The following IL1RAPL2 variants were observed in gnomAD, a reference collection of about 807,000 sequenced individuals.
IL1RAPL2 encodes the protein interleukin 1 receptor accessory protein like 2, also known as X-linked interleukin-1 receptor accessory protein-like 2.
IL1RAPL2 carries 3 observed loss-of-function variants against 44.1 expected under a neutral mutation model. The observed-to-expected ratio is 0.07, with a 90% confidence interval of 0.03 to 0.18. IL1RAPL2 has a LOEUF of 0.18. IL1RAPL2 is among the 10% of genes least tolerant of loss of function. The pLI is 1.00. For missense variants in IL1RAPL2, 391 were observed against 496.4 expected, an observed-to-expected ratio of 0.79 and a Z score of 2.02; for synonymous variants, 181 against 178.8, an observed-to-expected ratio of 1.01 and a Z score of -0.10.
intron 5 of IL1RAPL2, among the ~76,000 whole-genome samples, chrX:105,468,417 TTCTG>T (rs2036145061): frequency 1.1e-5 from 1 of 91,212 alleles, no homozygotes; most frequent in Non-Finnish European, 2.2e-5. Context: ...AGCCAGCAGT[TTCTG>T]TATAGTAAAG....
chrX:105,667,794 C>G (rs1250686371), intron 6 of IL1RAPL2, among the ~76,000 whole-genome samples: 1 of 111,239 alleles, frequency 9.0e-6, no homozygotes, highest in Non-Finnish European at 1.9e-5. Context: ...TTCCCAAGGC[C>G]TGTGTAAGGC....
chrX:105,286,704 GA>G (rs1248596294), intron 5 of IL1RAPL2, among the ~76,000 whole-genome samples: 1 of 110,312 alleles, frequency 9.1e-6, no homozygotes, highest in African/African-American at 3.3e-5. Flanking sequence ...TCAAGTTATG[GA>G]AAATATATTT....
intron 2 of IL1RAPL2, among the ~76,000 whole-genome samples, chrX:104,843,526 C>T (rs780824504): frequency 1.4e-4 from 16 of 111,090 alleles, no homozygotes; most frequent in Admixed American, 5.8e-4. Flanking sequence ...AACCCAGGGC[C>T]CTGGTTGTAT....
At chrX:104,848,400 T>C (rs1216207811) in intron 2 of IL1RAPL2, among the ~76,000 whole-genome samples, 1 of 74,807 alleles carries the variant, frequency 1.3e-5, no homozygotes, top group African/African-American at 4.9e-5. Context: ...TTTAAAAAGA[T>C]TTTTATCTGT....
intron 4 of IL1RAPL2, among the ~76,000 whole-genome samples, chrX:105,243,210 T>C (rs1477364886): frequency 1.8e-5 from 2 of 111,426 alleles, no homozygotes; most frequent in Non-Finnish European, 3.8e-5. Context: ...GGTGATTGAA[T>C]CATGGAGATG....
At position 105,144,094 on chromosome X, in the gene IL1RAPL2, G is replaced by GGGGT. The variant is rs1395267086; in HGVS notation, c.83-51380_83-51379insGGTG. ...AGTCAGAGTCTCCTTTCAACAGATG[G>GGGGT]GTGTGTGTGTGTGTGTGTGTGTGTG... On this transcript the variant is annotated intron_variant, in intron 2 of 10. Coordinates refer to ENST00000372582, the MANE Select transcript of IL1RAPL2 (RefSeq NM_017416.2). 1.3e-4 allele frequency among the ~76,000 whole-genome samples: 10 copies of GGGGT among 79,564 alleles called. No homozygotes were observed. In the South Asian group the frequency reaches 3.2e-3, roughly 25 times the overall value. 69.1% of individuals were successfully genotyped at this position (79,564 alleles called of 115,157 possible).
intron 6 of IL1RAPL2, among the ~76,000 whole-genome samples, chrX:105,649,630 T>C (rs1221677021): frequency 1.8e-5 from 2 of 111,251 alleles, no homozygotes; most frequent in African/African-American, 6.5e-5. Context: ...GTTGAGTGCA[T>C]ATGGAAGCTA....
rs5962500 is a variant in IL1RAPL2 at position 105,272,161 on chromosome X, T to C, written c.697+4620T>C. On this transcript the variant is annotated intron_variant, in intron 5 of 10. Coordinates refer to ENST00000372582, the MANE Select transcript of IL1RAPL2 (RefSeq NM_017416.2). ...GTGGGGGGAGGGGGGACTGATAGCA[T>C]TGGGAGATATACCTAATGCTAGATG... 4.4e-3 allele frequency among the ~76,000 whole-genome samples: 453 copies of C among 103,712 alleles called. 4 individuals are homozygous for C. Among genetic ancestry groups the C allele is most frequent in the African/African-American group, 0.015 (412 of 28,289 alleles). The allele number at this position is 103,712 out of a possible 115,157, so 90.1% of individuals were successfully genotyped here.
intron 2 of IL1RAPL2, among the ~76,000 whole-genome samples, chrX:104,775,045 C>T (rs888251718): frequency 8.9e-6 from 1 of 112,433 alleles, no homozygotes; most frequent in African/African-American, 3.2e-5. Flanking sequence ...CACCGAGTGT[C>T]AGCAGTCTTC....
At chrX:104,722,258 G>A (rs778681200) in intron 2 of IL1RAPL2, among the ~76,000 whole-genome samples, 1 of 111,486 alleles carries the variant, frequency 9.0e-6, no homozygotes, top group South Asian at 3.7e-4. Flanking sequence ...AGCTAGCTGT[G>A]TATCAATAAA....
intron 6 of IL1RAPL2, among the ~76,000 whole-genome samples, chrX:105,568,372 CTCTA>C (rs769104794): frequency 2.7e-5 from 3 of 111,883 alleles, no homozygotes; most frequent in East Asian, 2.8e-4. Flanking sequence ...TGAAATATAT[CTCTA>C]TCTATCTATC....
intron 2 of IL1RAPL2, among the ~76,000 whole-genome samples, chrX:104,855,929 C>T (rs1922353512): frequency 9.1e-6 from 1 of 109,688 alleles, no homozygotes; most frequent in Non-Finnish European, 1.9e-5. Flanking sequence ...TTTGGCCTCC[C>T]AAAGTGCTGG....
intron 1 of IL1RAPL2, among the ~76,000 whole-genome samples, chrX:104,605,112 A>G (rs746210154): frequency 8.9e-5 from 10 of 112,140 alleles, no homozygotes; most frequent in Non-Finnish European, 1.9e-4. Context: ...AATCATAACA[A>G]AGTGTCTCTC....
intron 5 of IL1RAPL2, among the ~76,000 whole-genome samples, chrX:105,295,019 A>G (rs2034644007): frequency 8.9e-6 from 1 of 111,823 alleles, no homozygotes; most frequent in African/African-American, 3.3e-5. Flanking sequence ...GGTCAAGACA[A>G]AGGCAACAAT....
chrX:105,072,902 G>T (rs1355541975), intron 2 of IL1RAPL2, among the ~76,000 whole-genome samples: 1 of 110,377 alleles, frequency 9.1e-6, no homozygotes, highest in African/African-American at 3.3e-5. Flanking sequence ...GAGAACATGT[G>T]ATGTTTGGTT....
In IL1RAPL2 at chrX:104,720,941, C is replaced by T. The variant is rs576630483; in HGVS notation, c.82+61946C>T. Among the ~76,000 whole-genome samples the T allele has an allele frequency of 4.3e-4, 48 of 111,436 alleles. 1 individual carries two copies. Among genetic ancestry groups the T allele is most frequent in the Middle Eastern group, 4.6e-3 (1 of 218 alleles). ...GCATATGAAAAAAGTCTCAACATAA[C>T]TGATCATTAGAGAAGAGCAAATCAA... On this transcript the variant is annotated intron_variant, in intron 2 of 10. Coordinates refer to ENST00000372582, the MANE Select transcript of IL1RAPL2 (RefSeq NM_017416.2).
chrX:104,761,954 C>G (rs1932461861), intron 2 of IL1RAPL2, among the ~76,000 whole-genome samples: 1 of 94,288 alleles, frequency 1.1e-5, no homozygotes, highest in Non-Finnish European at 2.1e-5. Context: ...TCTTCTTCTT[C>G]TTCTTCTTCT....
At chrX:104,982,915 T>C (rs2030470282) in intron 2 of IL1RAPL2, among the ~76,000 whole-genome samples, 1 of 110,993 alleles carries the variant, frequency 9.0e-6, no homozygotes, top group Non-Finnish European at 1.9e-5. Flanking sequence ...CTGAGGAAAG[T>C]GCTATTTGTT....
intron 2 of IL1RAPL2, among the ~76,000 whole-genome samples, chrX:105,033,316 C>A: frequency 9.0e-6 from 1 of 111,558 alleles, no homozygotes; most frequent in Admixed American, 9.6e-5. Context: ...TTCTTCCTAG[C>A]CTTGATGGTC....
Sources: gnomAD v4.1 joint callset for allele counts (sites outside exome capture counted in the v4.1 genomes callset) on GRCh38, gnomAD v4.1.1 for gene constraint, MANE v1.5 for transcripts, NCBI Gene and HGNC (gene_info 2026-07-23, HGNC 2026-07-21) for gene names.